The following PCDH11X variants were observed in gnomAD, a reference collection of about 807,000 sequenced individuals.
PCDH11X encodes protocadherin-11 X-linked.
PCDH11X carries 18 observed loss-of-function variants against 53.3 expected under a neutral mutation model. The ratio of observed to expected loss-of-function variants is 0.34; its 90% confidence interval spans 0.23 to 0.50. PCDH11X has a LOEUF of 0.50. Ranked by LOEUF, PCDH11X falls within the 20% of genes least tolerant of loss-of-function variation. The pLI is 0.98. For missense variants in PCDH11X, 570 were observed against 1,032.4 expected, an observed-to-expected ratio of 0.55 and a Z score of 6.14; for synonymous variants, 279 against 393.3, an observed-to-expected ratio of 0.71 and a Z score of 3.44.
At chrX:91,845,235 A>G (rs1486993681) in intron 5 of PCDH11X, among the ~76,000 whole-genome samples, 1 of 110,947 alleles carries the variant, frequency 9.0e-6, no homozygotes, top group Non-Finnish European at 1.9e-5. Flanking sequence ...GTTTGAATAC[A>G]CAATATAATA....
chrX:92,513,865 A>G (rs1003522174), intron 10 of PCDH11X, among the ~76,000 whole-genome samples: 2 of 110,800 alleles, frequency 1.8e-5, no homozygotes, highest in Non-Finnish European at 3.8e-5. Flanking sequence ...ATTTTAGAAC[A>G]CTTTTCCTCA....
At chrX:92,087,867 A>C (rs1469620326) in intron 6 of PCDH11X, among the ~76,000 whole-genome samples, 1 of 108,531 alleles carries the variant, frequency 9.2e-6, no homozygotes, top group Non-Finnish European at 1.9e-5. Flanking sequence ...GATTAATGTG[A>C]GTTAAAAAAT....
intron 10 of PCDH11X, among the ~76,000 whole-genome samples, chrX:92,536,653 C>CTTTT (rs57786279): frequency 1.0e-4 from 5 of 49,827 alleles, no homozygotes; most frequent in Non-Finnish European, 1.5e-4. Flanking sequence ...GGATAAAAGC[C>CTTTT]TTTTTTTTTT....
At chrX:91,906,715 C>A (rs1458310056) in intron 6 of PCDH11X, among the ~76,000 whole-genome samples, 2 of 111,582 alleles carry the variant, frequency 1.8e-5, no homozygotes, top group Non-Finnish European at 3.8e-5. Context: ...AACACAACGC[C>A]TTTATTAACT....
At position 91,842,542 on chromosome X, in the gene PCDH11X, A is replaced by G. The variant is rs1226194979; in HGVS notation, c.540+6498A>G. On this transcript the variant is annotated intron_variant, in intron 5 of 10. Transcript: ENST00000682573. ...CACACACTTTTTAGCAATTAAAACT[A>G]TAAAAATATCGCTAGTTATCTATTT... Among the ~76,000 whole-genome samples, 5 of 107,632 alleles carry G rather than the reference A, an allele frequency of 4.6e-5. No homozygotes were observed. The East Asian group carries it at 1.4e-3, about 30-fold the overall frequency. The allele number at this position is 107,632 out of a possible 115,157, so 93.5% of individuals were successfully genotyped here. A position where few individuals can be genotyped will look rare whatever the true frequency, so the allele number is the denominator to read the frequency against.
chrX:91,790,659 A>C (rs754086198), intron 1 of PCDH11X, among the ~76,000 whole-genome samples: 2 of 111,690 alleles, frequency 1.8e-5, no homozygotes, highest in Admixed American at 1.9e-4. Flanking sequence ...ATTAGACACC[A>C]TGCTAACCAC....
At chrX:92,447,966 A>T (rs960034898) in intron 9 of PCDH11X, among the ~76,000 whole-genome samples, 14 of 108,441 alleles carry the variant, frequency 1.3e-4, no homozygotes, top group African/African-American at 4.4e-4. Flanking sequence ...TTAAGATTTC[A>T]CTGCCCTGCT....
In PCDH11X at chrX:92,387,759, C is replaced by A. The variant is rs60470393; in HGVS notation, c.3169C>A (p.Leu1057Met). ...GTCCCAGCGGCGTGTCACATTTCACCTGCCAGAAGGCTCTCAGGAAAGCAG... is the reference window on the plus strand; with the variant it reads ...GTCCCAGCGGCGTGTCACATTTCACATGCCAGAAGGCTCTCAGGAAAGCAG... ...GKSQRRVTFH[L>M]PEGSQESSSD... The change falls in exon 9 of 11, where the codon CTG becomes ATG. Residue 1057 changes from leucine (L) to methionine (M), a missense_variant. Leu to Met is a conservative substitution (Grantham distance 15). Around this residue, in one of 6 missense-constraint regions of PCDH11X, gnomAD observed 234 missense variants for 296.1 expected, o/e 0.79. Coordinates refer to ENST00000682573, the MANE Select transcript of PCDH11X (RefSeq NM_032968.5). 4 of 1,211,937 alleles carry A rather than the reference C, an allele frequency of 3.3e-6. No homozygotes were observed. The highest frequency in any genetic ancestry group is 4.5e-6 in the Non-Finnish European group (4 of 895,496).
At chrX:91,919,163 T>C (rs1406982401) in intron 6 of PCDH11X, among the ~76,000 whole-genome samples, 1 of 111,518 alleles carries the variant, frequency 9.0e-6, no homozygotes, top group Non-Finnish European at 1.9e-5. Context: ...CTATAAATAA[T>C]GAGCTGTTTG....
chrX:92,348,230 T>C (rs887996177), intron 8 of PCDH11X, among the ~76,000 whole-genome samples: 7 of 111,447 alleles, frequency 6.3e-5, no homozygotes, highest in Non-Finnish European at 1.3e-4. Flanking sequence ...TCTGGACTAC[T>C]AGCAACCAAT....
intron 6 of PCDH11X, among the ~76,000 whole-genome samples, chrX:92,105,556 G>A (rs934249416): frequency 3.7e-5 from 4 of 109,252 alleles, no homozygotes; most frequent in Admixed American, 3.0e-4. Context: ...GGAGATAGGG[G>A]TGGGGCCGTT....
intron 5 of PCDH11X, among the ~76,000 whole-genome samples, chrX:91,854,798 G>T (rs1938232965): frequency 9.0e-6 from 1 of 111,387 alleles, no homozygotes; most frequent in African/African-American, 3.3e-5. Context: ...ATCTTATTTC[G>T]AGAAATGCCT....
At chrX:92,099,830 G>T (rs1413473278) in intron 6 of PCDH11X, among the ~76,000 whole-genome samples, 1 of 110,810 alleles carries the variant, frequency 9.0e-6, no homozygotes, top group Admixed American at 9.7e-5. Context: ...ACTCCTTTTG[G>T]TAGTAATCAA....
At chrX:92,591,111 T>C (rs1463638020) in intron 10 of PCDH11X, among the ~76,000 whole-genome samples, 5 of 111,763 alleles carry the variant, frequency 4.5e-5, no homozygotes, top group Admixed American at 9.5e-5. Context: ...GTTCCCCCAA[T>C]GAGGTTTCCC....
intron 8 of PCDH11X, among the ~76,000 whole-genome samples, chrX:92,293,598 G>A (rs757293140): frequency 5.5e-4 from 57 of 102,828 alleles, no homozygotes; most frequent in Non-Finnish European, 1.0e-3. Context: ...ACTCCAGCCT[G>A]GGCGACAGAG....
intron 5 of PCDH11X, among the ~76,000 whole-genome samples, chrX:91,849,438 C>T (rs1255534363): frequency 9.1e-6 from 1 of 110,233 alleles, no homozygotes; most frequent in Non-Finnish European, 1.9e-5. Flanking sequence ...TCTCTCTCCT[C>T]TCACCCTCCA....
intron 10 of PCDH11X, among the ~76,000 whole-genome samples, chrX:92,575,978 G>GTATATATATATA (rs1173562560): frequency 2.2e-4 from 4 of 18,444 alleles, no homozygotes; most frequent in Non-Finnish European, 2.5e-4. Flanking sequence ...CACCTGGGGT[G>GTATATATATATA]TATATATATA....
chrX:92,304,258 G>T (rs1479236578), intron 8 of PCDH11X, among the ~76,000 whole-genome samples: 4 of 109,374 alleles, frequency 3.7e-5, no homozygotes, highest in Non-Finnish European at 7.6e-5. Context: ...TTCATTTAGT[G>T]AATACAGCTA....
At chrX:91,904,791 C>T (rs1215442444) in intron 6 of PCDH11X, among the ~76,000 whole-genome samples, 1 of 109,641 alleles carries the variant, frequency 9.1e-6, no homozygotes, top group African/African-American at 3.3e-5. Flanking sequence ...TATTTTTATG[C>T]TATTATAAAC....
Sources: gnomAD v4.1 joint callset for allele counts (sites outside exome capture counted in the v4.1 genomes callset) on GRCh38, gnomAD v4.1.1 for gene constraint, gnomAD v4.1.1 regional missense constraint, MANE v1.5 for transcripts, NCBI Gene and HGNC (gene_info 2026-07-23, HGNC 2026-07-21) for gene names.